Variants in DST observed in about 807,000 individuals in gnomAD.
DST encodes dystonin.
In DST, 253 loss-of-function variants were observed where a neutral mutation model predicts 875.2. That is an observed-to-expected ratio of 0.29 (90% CI 0.26 to 0.32). The LOEUF is 0.32. DST is among the 10% of genes least tolerant of loss of function. DST has a pLI of 1.00. For missense variants in DST, 8,287 were observed against 9,111.6 expected (o/e 0.91, Z 3.68); for synonymous variants, 3,124 against 3,197.1 (o/e 0.98, Z 0.77).
At chr6:56,721,042 A>G (rs1390510702) in intron 5 of DST, among the ~76,000 whole-genome samples, 2 of 147,334 alleles carry the variant, frequency 1.4e-5, no homozygotes, top group African/African-American at 5.1e-5. Flanking sequence ...CCTCCCAGAC[A>G]GGGCAGCTGC....
intron 24 of DST, among the ~76,000 whole-genome samples, 179 bp downstream of exon 24, chr6:56,635,410 T>TA (rs1381594122): frequency 6.6e-6 from 1 of 152,000 alleles, no homozygotes; most frequent in Non-Finnish European, 1.5e-5. Flanking sequence ...GCTATCACAT[T>TA]AAAAAAACAC....
rs200853096 is a variant in DST, at chr6:56,631,960, G to C, written c.3886C>G (p.Arg1296Gly). The C allele has an allele frequency of 2.0e-5, 32 of 1,613,172 alleles. No homozygotes were observed. Among genetic ancestry groups the C allele is most frequent in the Non-Finnish European group, 2.3e-5 (27 of 1,179,330 alleles). Residue 1296 changes from arginine to glycine, a missense_variant, in exon 29 of 104, where the codon CGG becomes GGG. By Grantham distance (125) the Arg-to-Gly change is moderately radical. Transcript: ENST00000680361. ...IRLRLENCED[R>G]LIRQIRTPLE... ...GGAGTTCGAATCTGTCTAATCAGCC[G>C]ATCTTCACAGTTCTCTAACCGAAGT...
At chr6:56,554,004 T>C (rs893608051) in intron 60 of DST, among the ~76,000 whole-genome samples, 1 of 151,570 alleles carries the variant, frequency 6.6e-6, no homozygotes, top group Non-Finnish European at 1.5e-5. Context: ...GAAGTGATGA[T>C]GGCAAAGTTC....
intron 5 of DST, among the ~76,000 whole-genome samples, chr6:56,721,027 C>CG (rs2099413317): frequency 1.3e-5 from 2 of 150,658 alleles, no homozygotes; most frequent in Non-Finnish European, 3.0e-5. Flanking sequence ...GGGCAGCCCC[C>CG]TCCGCCTCCC....
At chr6:56,934,560 T>TTTTTATATATATATATA (rs869186436) in intron 2 of DST, among the ~76,000 whole-genome samples, 2 of 106,486 alleles carry the variant, frequency 1.9e-5, no homozygotes, top group African/African-American at 7.1e-5. Flanking sequence ...ATATATTATA[T>TTTTTATATATATATATA]TATATATATA....
intron 48 of DST, among the ~76,000 whole-genome samples, chr6:56,593,276 G>A (rs748131076): frequency 6.6e-6 from 1 of 152,086 alleles, no homozygotes; most frequent in Non-Finnish European, 1.5e-5. Flanking sequence ...AGCACTTTGG[G>A]AAGCCGAGGT....
At chr6:56,547,140 T>A (rs528802992) in intron 61 of DST, among the ~76,000 whole-genome samples, 2 of 152,302 alleles carry the variant, frequency 1.3e-5, no homozygotes, top group African/African-American at 4.8e-5. Flanking sequence ...TTGACAGCCC[T>A]TTCCGAGAAG....
At chr6:56,571,825 T>C (rs1356952926) in intron 53 of DST, among the ~76,000 whole-genome samples, 1 of 152,210 alleles carries the variant, frequency 6.6e-6, no homozygotes, top group East Asian at 1.9e-4. Context: ...CAAGTTTAGA[T>C]CATTTTCAGT....
Position 56,569,973 on chromosome 6 carries a change from A to G in DST, c.13761T>C (p.Ala4587=). 1 of 1,606,734 alleles carries G rather than the reference A, an allele frequency of 6.2e-7. No homozygotes were observed. The highest frequency in any genetic ancestry group is 1.3e-5 in the African/African-American group (1 of 74,636). ...TCAATGATTTAACAAGAACTTGGAA[A>G]GCATCCAACTGTTCTTGACAAGAAG... The part of the protein sequence containing the change: ...AVTSCQEQLD[A]FQVLVKSLKS... Residue 4587 remains alanine (A), a synonymous_variant, in exon 54 of 104, where the codon GCT becomes GCC. Transcript: ENST00000680361.
In DST at chr6:56,879,195, G is replaced by A. The variant is rs190299411; in HGVS notation, c.417+21226C>T. ...TTTATCTTAATAGTTCCGGCCAGGCGCGGTGGCTCATGCCTGTAATCCCAG... is the reference window on the plus strand; with the variant it reads ...TTTATCTTAATAGTTCCGGCCAGGCACGGTGGCTCATGCCTGTAATCCCAG... On this transcript the variant is annotated intron_variant, in intron 3 of 103. Coordinates refer to ENST00000680361, the MANE Select transcript of DST (RefSeq NM_001374736.1). Among the ~76,000 whole-genome samples the A allele has an allele frequency of 3.3e-4, 51 of 152,268 alleles. 1 individual carries two copies. The highest frequency in any genetic ancestry group is 2.1e-4 in the South Asian group (1 of 4,832).
Position 56,573,692 on chromosome 6 carries a change from A to G in DST, c.13223T>C (p.Ile4408Thr). 2 of 1,612,758 alleles carry G rather than the reference A, an allele frequency of 1.2e-6. No individual in the cohort carries two copies. Among genetic ancestry groups the G allele is most frequent in the South Asian group, 1.1e-5 (1 of 91,016 alleles). ...AAAGTCACTTACAATGTTTTTACTG[A>G]TAATATCCTGAAGAGCAGTAGAGTT... ...PLNSTALQDI[I>T]SKNIMLEQDI... The change falls in exon 51 of 104, where the codon ATC becomes ACC. Residue 4408 changes from isoleucine (I) to threonine (T), a missense_variant. Ile to Thr is a moderately conservative substitution (Grantham distance 89). Transcript: ENST00000680361.
chr6:56,635,880 C>G (rs1236497062), intron 23 of DST, among the ~76,000 whole-genome samples, 166 bp from the exon 24 acceptor site: 1 of 152,026 alleles, frequency 6.6e-6, no homozygotes. Context: ...AAAGAATAAC[C>G]CTTGAAGTTG....
chr6:56,703,100 CT>C (rs2099317551), intron 7 of DST, among the ~76,000 whole-genome samples: 1 of 152,142 alleles, frequency 6.6e-6, no homozygotes, highest in Admixed American at 6.5e-5. Flanking sequence ...TCTGTGAGTT[CT>C]GTTGGAATAC....
At chr6:56,591,713 C>T (rs539222366) in intron 49 of DST, among the ~76,000 whole-genome samples, 5 of 152,114 alleles carry the variant, frequency 3.3e-5, no homozygotes, top group Non-Finnish European at 7.3e-5. Context: ...TGGTTCACAC[C>T]TGTAATCCCA....
At chr6:56,715,603 C>T (rs1001573907) in intron 5 of DST, among the ~76,000 whole-genome samples, 2 of 152,066 alleles carry the variant, frequency 1.3e-5, no homozygotes, top group Non-Finnish European at 2.9e-5. Flanking sequence ...GCCTTAAGAC[C>T]TCTCTCTAGC....
At position 56,605,353 on chromosome 6, in the gene DST, AACTG is replaced by A. The variant is rs1436010806; in HGVS notation, c.9271_9274del (p.Gln3091PhefsTer23). The A allele has an allele frequency of 2.5e-6, 4 of 1,612,696 alleles. No individual in the cohort carries two copies. Among genetic ancestry groups the A allele is most frequent in the East Asian group, 2.2e-5 (1 of 44,822 alleles). ...ATTGTTTGTGATTTGTGGAAATGGA[AACTG>A]ACTATTAATTAACTTGAAACTATCC... On this transcript the variant is annotated frameshift_variant, in exon 40 of 104. Transcript: ENST00000680361. LOFTEE classifies it high-confidence loss of function.
chr6:56,730,038 T>A (rs545220636), intron 5 of DST, among the ~76,000 whole-genome samples: 58 of 152,272 alleles, frequency 3.8e-4, no homozygotes, highest in African/African-American at 1.3e-3. Context: ...TAAATTAAAG[T>A]TTACAAAAAG....
At chr6:56,615,355 A>G (rs1586692254) in intron 36 of DST, 1 of 1,476,150 alleles carries the variant, frequency 6.8e-7, no homozygotes, top group South Asian at 1.4e-5. Context: ...TTTTCAATTT[A>G]AAACTTACTC....
At chr6:56,579,035 A>G (rs2097917313) in intron 49 of DST, 98 bp from the exon 50 acceptor site, 2 of 1,107,244 alleles carry the variant, frequency 1.8e-6, no homozygotes, top group Admixed American at 3.0e-5. Context: ...GTAAAATTGG[A>G]CAGAATAAAC....
Sources: gnomAD v4.1 joint callset for allele counts (sites outside exome capture counted in the v4.1 genomes callset) on GRCh38, gnomAD v4.1.1 for gene constraint, MANE v1.5 for transcripts, NCBI Gene and HGNC (gene_info 2026-07-23, HGNC 2026-07-21) for gene names.